The following KANK3 variants were observed in gnomAD, a reference collection of about 807,000 sequenced individuals.
KANK3 encodes the protein KN motif and ankyrin repeat domain-containing protein 3.
A neutral mutation model predicts 65.4 loss-of-function variants in KANK3; 61 were observed. That is an observed-to-expected ratio of 0.93 (90% CI 0.76 to 1.15). The LOEUF (loss-of-function observed/expected upper bound fraction) is 1.15, where lower values mean the gene tolerates loss of function less well. Ranked by LOEUF, KANK3 falls within the 50% of genes most tolerant of loss-of-function variation. The pLI, the probability that KANK3 is intolerant of heterozygous loss-of-function variation, is 0.00. For synonymous variants in KANK3, 586 were observed against 543.3 expected (o/e 1.08, Z -1.09); for missense variants, 1,187 against 1,178.8 (o/e 1.01, Z -0.10).
At chr19:8,324,397 GC>G in intron 10 of KANK3, 51 bp downstream of exon 10, 1 of 1,509,708 alleles carries the variant, frequency 6.6e-7, no homozygotes, top group South Asian at 1.2e-5. Flanking sequence ...ACTATCCTCT[GC>G]AAACTGAATT....
chr19:8,328,442 T>C (rs899693887), intron 7 of KANK3, among the ~76,000 whole-genome samples: 1 of 144,844 alleles, frequency 6.9e-6, no homozygotes. Context: ...CACTCAAAAC[T>C]ACACATTCCT....
rs562990626 is a variant in KANK3, at chr19:8,334,026, G to A, written c.1518C>T (p.Ser506=). ...CGGATCCCCCGCCGCTGTCATCCCCGGAGCCCGAGGAGCTACCCGGGGGCT... is the reference window on the plus strand; with the variant it reads ...CGGATCCCCCGCCGCTGTCATCCCCAGAGCCCGAGGAGCTACCCGGGGGCT... ...GAEPPGSSSG[S]GDDSGGGSDS... The change falls in exon 5 of 11, where the codon TCC becomes TCT. Residue 506 remains serine, a synonymous_variant. Coordinates refer to ENST00000330915, the MANE Select transcript of KANK3 (RefSeq NM_198471.3). 5.2e-6 allele frequency: 8 copies of A among 1,551,108 alleles called. No individual in the cohort carries two copies. The highest frequency in any genetic ancestry group is 6.1e-6 in the Non-Finnish European group (7 of 1,154,172).
In KANK3 at chr19:8,323,270, T is replaced by C. The variant is rs62120996; in HGVS notation, c.2383-348A>G. On this transcript the variant is annotated intron_variant, in intron 10 of 10. Transcript: ENST00000330915. ...AGCTTGTTCAGAACGCCTTAGCCTG[T>C]AGTTGGGGAAACTCGTCTAACACGA... 3.2e-3 allele frequency: 590 copies of C among 182,238 alleles called. 7 individuals are homozygous for C. The highest frequency in any genetic ancestry group is 0.02 in the Middle Eastern group (16 of 814). 11.3% of individuals were successfully genotyped at this position (182,238 alleles called of 1,614,324 possible). A position where few individuals can be genotyped will look rare whatever the true frequency, so the allele number is the denominator to read the frequency against.
At chr19:8,339,911 T>C (rs2972580) in intron 1 of KANK3, among the ~76,000 whole-genome samples, 89,605 of 146,042 alleles carry the variant, frequency 0.61, 27,657 homozygotes, top group African/African-American at 0.66. Flanking sequence ...CTGCAGTGAG[T>C]TATGATCATG....
At chr19:8,325,175 C>A in intron 7 of KANK3, 79 bp from the exon 8 acceptor site, 1 of 1,468,368 alleles carries the variant, frequency 6.8e-7, no homozygotes. Flanking sequence ...CTGCAAGCCT[C>A]GGGCACAGCA....
intron 1 of KANK3, 69 bp from the exon 2 acceptor site, chr19:8,337,925 G>A (rs1568579206): frequency 3.2e-6 from 5 of 1,571,706 alleles, no homozygotes; most frequent in East Asian, 4.6e-5. Context: ...CTGCCTTTGA[G>A]TCTAAGCAAA....
rs1450223787 is a variant in KANK3 at position 8,333,852 on chromosome 19, C to A, written c.1635-44G>T. 1.1e-5 allele frequency: 17 copies of A among 1,547,708 alleles called. No homozygotes were observed. Among genetic ancestry groups the A allele is most frequent in the Non-Finnish European group, 1.5e-5 (17 of 1,146,438 alleles). ...GAGACTCAGGATGGATCGGGGACAG[C>A]GCCGACCAGGAGGAGGGCAGCCGCC... On this transcript the variant is annotated intron_variant, in intron 5 of 10. Coordinates refer to ENST00000330915, the MANE Select transcript of KANK3 (RefSeq NM_198471.3). The surrounding 1 kb of genome is among the most constrained non-coding windows in gnomAD (Gnocchi z 5.0).
intron 1 of KANK3, among the ~76,000 whole-genome samples, chr19:8,340,261 CA>C (rs369050763): frequency 0.29 from 17,119 of 59,986 alleles, 1,642 homozygotes; most frequent in African/African-American, 0.45. Flanking sequence ...GACTCCGTCT[CA>C]AAAAAAAAAA....
In KANK3 at chr19:8,324,453, G is replaced by T. The variant is rs1232001303; in HGVS notation, c.2378C>A (p.Thr793Asn). The change falls in exon 10 of 11, where the codon ACC becomes AAC. Residue 793 changes from threonine to asparagine, a missense_variant. Physicochemically the swap from Thr to Asn is moderately conservative, Grantham distance 65. Coordinates refer to ENST00000330915, the MANE Select transcript of KANK3 (RefSeq NM_198471.3). ...TTCTTCCAGAGCTGTGCTCACCTGG[G>T]TGTCGGGCTGGCCCGAGCTCAGGTG... is the stretch of plus-strand genomic sequence containing the variant. ...HAHLSSGQPD[T>N]QSESPPGSQT... 5 of 1,599,962 alleles carry T rather than the reference G, an allele frequency of 3.1e-6. No individual in the cohort carries two copies. The highest frequency in any genetic ancestry group is 4.3e-6 in the Non-Finnish European group (5 of 1,173,288).
Position 8,323,343 on chromosome 19 carries a change from C to T in KANK3, c.2383-421G>A, listed in dbSNP as rs1420031702. The stretch of plus-strand genomic sequence containing the variant: ...AATGTCTTATGTAATTTATTGAATA[C>T]TCTGCTGAAGTGTGGTTTTTACTAA... On this transcript the variant is annotated intron_variant, in intron 10 of 10. Coordinates refer to ENST00000330915, the MANE Select transcript of KANK3 (RefSeq NM_198471.3). 1.3e-5 allele frequency: 2 copies of T among 156,014 alleles called. 1 individual carries two copies. Among genetic ancestry groups the T allele is most frequent in the South Asian group, 4.0e-4 (2 of 4,950 alleles). The allele number at this position is 156,014 out of a possible 1,614,324, so 9.7% of individuals were successfully genotyped here.
chr19:8,342,613 C>T (rs1312040892), intron 1 of KANK3, among the ~76,000 whole-genome samples: 3 of 151,372 alleles, frequency 2.0e-5, no homozygotes, highest in African/African-American at 7.3e-5. Flanking sequence ...GGGGAGAGGG[C>T]GCCTTCCAGG....
At position 8,322,916 on chromosome 19, in the gene KANK3, A is replaced by G. The variant is rs748347653; in HGVS notation, c.2389T>C (p.Ser797Pro). The G allele has an allele frequency of 2.6e-6, 4 of 1,528,352 alleles. No individual in the cohort carries two copies. In the African/African-American group the frequency reaches 5.8e-5, roughly 22 times the overall value. The allele number at this position is 1,528,352 out of a possible 1,614,324, so 94.7% of individuals were successfully genotyped here. A position where few individuals can be genotyped will look rare whatever the true frequency, so the allele number is the denominator to read the frequency against. ...SSGQPDTQSE[S>P]PPGSQTATPG... ...GTGGCTGTCTGGGAGCCAGGGGGTG[A>G]CTCGCTCTGGAGAGAGGGGAAAAGA... The change falls in exon 11 of 11, where the codon TCA becomes CCA. Residue 797 changes from serine (S) to proline (P), a missense_variant. Around this residue, in one of 3 missense-constraint regions of KANK3, gnomAD observed 1,078 missense variants for 1,038.2 expected, o/e 1.04. Transcript: ENST00000330915.
Position 8,335,151 on chromosome 19 carries a change from C to CCAG in KANK3, c.673_675dup (p.Leu225dup). ...TCCGGCTCGGGCTGCGCGCGCCCGGCCAGCAGCCGCGCCTTCTCGGCGCGC... is the reference window on the plus strand; with the variant it reads ...TCCGGCTCGGGCTGCGCGCGCCCGGCCAGCAGCAGCCGCGCCTTCTCGGCGCGC... On this transcript the variant is annotated inframe_insertion, in exon 3 of 11. Coordinates refer to ENST00000330915, the MANE Select transcript of KANK3 (RefSeq NM_198471.3). 1 of 1,219,088 alleles carries CCAG rather than the reference C, an allele frequency of 8.2e-7. No homozygotes were observed. The highest frequency in any genetic ancestry group is 1.0e-6 in the Non-Finnish European group (1 of 981,098). 75.5% of individuals were successfully genotyped at this position (1,219,088 alleles called of 1,614,324 possible). A position where few individuals can be genotyped will look rare whatever the true frequency, so the allele number is the denominator to read the frequency against.
In KANK3 at chr19:8,333,557, A is replaced by G. The variant is rs1970568610; in HGVS notation, c.1719+167T>C. 6.6e-6 allele frequency among the ~76,000 whole-genome samples: 1 copy of G among 152,190 alleles called. No homozygotes were observed. The highest frequency in any genetic ancestry group is 1.5e-5 in the Non-Finnish European group (1 of 68,034). ...GGGCCGGGCCTTTTTGGGGAAACCA[A>G]GGAAAGATCGGCGCTGTCCTGGGAA... On this transcript the variant is annotated intron_variant, in intron 6 of 10. Transcript: ENST00000330915. This position sits in a 1 kb window ranked among gnomAD's most constrained non-coding sequence, Gnocchi z 5.0.
chr19:8,338,264 C>T (rs910356993), intron 1 of KANK3, among the ~76,000 whole-genome samples: 19 of 151,930 alleles, frequency 1.3e-4, no homozygotes, highest in South Asian at 2.1e-4. Context: ...TCAAGTTATC[C>T]GCCTGCCTCG....
Position 8,334,746 on chromosome 19 carries a change from T to A in KANK3, c.1081A>T (p.Ser361Cys), listed in dbSNP as rs1970597638. ...CTCACCCCGCGCTGGTGCTCCAGACTGGCGCGCAGCAGCTCTAGCTCGCGC... is the reference window on the plus strand; with the variant it reads ...CTCACCCCGCGCTGGTGCTCCAGACAGGCGCGCAGCAGCTCTAGCTCGCGC... ...AERELELLRA[S>C]LEHQRGVSEL... The change falls in exon 3 of 11, where the codon AGT becomes TGT. Residue 361 changes from serine (S) to cysteine (C), a missense_variant. This residue lies in a region of KANK3 where 1,078 missense variants were observed against 1,038.2 expected (regional missense o/e 1.04). Coordinates refer to ENST00000330915, the MANE Select transcript of KANK3 (RefSeq NM_198471.3). 8 of 1,526,820 alleles carry A rather than the reference T, an allele frequency of 5.2e-6. No homozygotes were observed. The East Asian group carries it at 2.0e-4, about 38-fold the overall frequency. 94.6% of individuals were successfully genotyped at this position (1,526,820 alleles called of 1,614,324 possible). A position where few individuals can be genotyped will look rare whatever the true frequency, so the allele number is the denominator to read the frequency against.
rs556011216 is a variant in KANK3, at chr19:8,335,129, G to A, written c.698C>T (p.Pro233Leu). 60 of 1,241,292 alleles carry A rather than the reference G, an allele frequency of 4.8e-5. No individual in the cohort carries two copies. In the East Asian group the frequency reaches 1.8e-3, roughly 38 times the overall value. 76.9% of individuals were successfully genotyped at this position (1,241,292 alleles called of 1,614,324 possible). A position where few individuals can be genotyped will look rare whatever the true frequency, so the allele number is the denominator to read the frequency against. ...RLLAGRAQPEPDGEAETRPDK... is the reference protein window; with the variant it reads ...RLLAGRAQPELDGEAETRPDK... Reference sequence around the variant, plus strand: ...CGGGCGCGTCTCAGCCTCCCCGTCCGGCTCGGGCTGCGCGCGCCCGGCCAG... The same window carrying A: ...CGGGCGCGTCTCAGCCTCCCCGTCCAGCTCGGGCTGCGCGCGCCCGGCCAG... Residue 233 changes from proline (P) to leucine (L), a missense_variant, in exon 3 of 11, where the codon CCG becomes CTG. Transcript: ENST00000330915.
rs1421938389 is a variant in KANK3 at position 8,334,840 on chromosome 19, A to G, written c.987T>C (p.Ala329=). 3 of 1,474,800 alleles carry G rather than the reference A, an allele frequency of 2.0e-6. No homozygotes were observed. Among genetic ancestry groups the G allele is most frequent in the Non-Finnish European group, 2.7e-6 (3 of 1,122,236 alleles). The allele number at this position is 1,474,800 out of a possible 1,614,324, so 91.4% of individuals were successfully genotyped here. A position where few individuals can be genotyped will look rare whatever the true frequency, so the allele number is the denominator to read the frequency against. The change falls in exon 3 of 11, where the codon GCT becomes GCC. Residue 329 remains alanine, a synonymous_variant. Coordinates refer to ENST00000330915, the MANE Select transcript of KANK3 (RefSeq NM_198471.3). ...VPETREAGVE[A]APETVEADAW... ...CGTCCGCCTCCACGGTCTCGGGGGC[A>G]GCCTCCACGCCGGCCTCCCGGGTCT...
At chr19:8,337,936 C>G in intron 1 of KANK3, 80 bp from the exon 2 acceptor site, 1 of 1,569,304 alleles carries the variant, frequency 6.4e-7, no homozygotes, top group Non-Finnish European at 8.6e-7. Flanking sequence ...TCTAAGCAAA[C>G]AGGACCCAAG....
Sources: allele counts gnomAD v4.1 joint callset (sites outside exome capture counted in the v4.1 genomes callset), GRCh38; gene constraint gnomAD v4.1.1; regional missense constraint gnomAD v4.1.1; non-coding constraint Gnocchi (gnomAD v3.1); transcripts MANE v1.5; gene names NCBI Gene and HGNC (gene_info 2026-07-23, HGNC 2026-07-21).